Variants in CARF observed in about 807,000 individuals in gnomAD.
CARF encodes calcium-responsive transcription factor.
In CARF, 57 loss-of-function variants were observed where a neutral mutation model predicts 82.0. The ratio of observed to expected loss-of-function variants is 0.70; its 90% confidence interval spans 0.56 to 0.87. CARF has a LOEUF of 0.87. CARF is among the 40% of genes least tolerant of loss of function. The probability of loss-of-function intolerance (pLI) is 0.00; values close to 1 mark genes in which losing one functional copy is unlikely to be tolerated. For missense variants in CARF, 771 were observed against 855.8 expected (o/e 0.90, Z 1.24); for synonymous variants, 268 against 290.1 (o/e 0.92, Z 0.77).
chr2:202,935,123 T>TA (rs1328144690), intron 3 of CARF, among the ~76,000 whole-genome samples: 103 of 143,100 alleles, frequency 7.2e-4, no homozygotes, highest in East Asian at 1.2e-3. Context: ...TATATAATTA[T>TA]TTATAATTAT....
At chr2:202,973,346 C>T (rs2059885431) in intron 12 of CARF, 4 of 353,534 alleles carry the variant, frequency 1.1e-5, no homozygotes, top group Non-Finnish European at 2.2e-5. Flanking sequence ...TACAGTTCTG[C>T]GATTTGGTCC....
At chr2:202,919,690 G>T (rs1474157300) in intron 2 of CARF, among the ~76,000 whole-genome samples, 1 of 152,158 alleles carries the variant, frequency 6.6e-6, no homozygotes, top group Admixed American at 6.5e-5. Context: ...TCCAGAAAAA[G>T]ATTTAAAGCT....
intron 8 of CARF, among the ~76,000 whole-genome samples, chr2:202,959,124 CTGATTA>C (rs1352736285): frequency 1.1e-4 from 17 of 151,490 alleles, no homozygotes; most frequent in Admixed American, 1.1e-3. Flanking sequence ...ATATATAGTT[CTGATTA>C]TATTATACTG....
At chr2:202,960,469 C>T (rs191258463) in intron 8 of CARF, among the ~76,000 whole-genome samples, 61 of 152,098 alleles carry the variant, frequency 4.0e-4, no homozygotes, top group African/African-American at 1.4e-3. Context: ...AGGCTGGTTT[C>T]GAACTCTTGA....
Position 202,942,718 on chromosome 2 carries a change from ATT to A in CARF, c.79-13_79-12del. 3 of 1,406,784 alleles carry A rather than the reference ATT, an allele frequency of 2.1e-6. No individual in the cohort carries two copies. The highest frequency in any genetic ancestry group is 2.7e-5 in the South Asian group (2 of 74,778). The allele number at this position is 1,406,784 out of a possible 1,614,324, so 87.1% of individuals were successfully genotyped here. A position where few individuals can be genotyped will look rare whatever the true frequency, so the allele number is the denominator to read the frequency against. On this transcript the variant is annotated intron_variant, in intron 4 of 16. Transcript: ENST00000438828. Reference sequence around the variant, plus strand: ...AAAAAAATGGTGATAGACTGAAGTGATTTTTTTTTTCCTTACAAAAGCATCTA... The same window carrying A: ...AAAAAAATGGTGATAGACTGAAGTGATTTTTTTTCCTTACAAAAGCATCTA...
At position 202,915,177 on chromosome 2, in the gene CARF, C is replaced by T. The variant is rs1412464450; in HGVS notation, c.-330+2075C>T. Among the ~76,000 whole-genome samples, 6 of 151,392 alleles carry T rather than the reference C, an allele frequency of 4.0e-5. No individual in the cohort carries two copies. The East Asian group carries it at 5.9e-4, about 15-fold the overall frequency. On this transcript the variant is annotated intron_variant, in intron 1 of 16. Coordinates refer to ENST00000438828, the MANE Select transcript of CARF (RefSeq NM_024744.17). ...GACTACAGGTGCCTGCCACCATGCC[C>T]GGCTAATTTTTTGTATTTTAGTAGA... is the stretch of plus-strand genomic sequence containing the variant.
At chr2:202,917,210 C>CAAA (rs71034203) in intron 1 of CARF, among the ~76,000 whole-genome samples, 1,054 of 46,978 alleles carry the variant, frequency 0.022, 339 homozygotes, top group Non-Finnish European at 0.025. Context: ...GACTCCGTCT[C>CAAA]AAAAAAAAAA....
intron 5 of CARF, among the ~76,000 whole-genome samples, chr2:202,945,093 CAG>C (rs1012076728): frequency 1.3e-5 from 2 of 152,118 alleles, no homozygotes; most frequent in Non-Finnish European, 2.9e-5. Flanking sequence ...AACTGAAGAT[CAG>C]AGAGAGAATA....
chr2:202,947,063 T>C (rs1196614745), intron 5 of CARF, among the ~76,000 whole-genome samples: 1 of 152,180 alleles, frequency 6.6e-6, no homozygotes, highest in Non-Finnish European at 1.5e-5. Context: ...TGGAAGACAG[T>C]GTGATGATTC....
chr2:202,935,232 ATATAT>A (rs1435200083), intron 3 of CARF, among the ~76,000 whole-genome samples: 7 of 142,452 alleles, frequency 4.9e-5, no homozygotes, highest in African/African-American at 1.8e-4. Context: ...ATACTAATAT[ATATAT>A]TATATATTTG....
intron 3 of CARF, among the ~76,000 whole-genome samples, chr2:202,929,097 A>G (rs185539113): frequency 6.6e-6 from 1 of 152,306 alleles, no homozygotes; most frequent in East Asian, 1.9e-4. Context: ...TTATTTATTT[A>G]TTAATCCCTC....
At chr2:202,983,383 C>A (rs947978637) in intron 16 of CARF, 123 bp from the exon 17 acceptor site, 1 of 626,544 alleles carries the variant, frequency 1.6e-6, no homozygotes, top group Non-Finnish European at 2.7e-6. Context: ...AAAAGATTTG[C>A]AGTTTGCTTT....
rs914740711 is a variant in CARF, at chr2:202,934,137, A to G, written c.-43-7723A>G. On this transcript the variant is annotated intron_variant, in intron 3 of 16. Coordinates refer to ENST00000438828, the MANE Select transcript of CARF (RefSeq NM_024744.17). ...TGCATTTTAAGTCATCCTGAGTCAC[A>G]CCATGGGCCACAGGTTGGACAAGCT... 4.6e-5 allele frequency among the ~76,000 whole-genome samples: 7 copies of G among 152,138 alleles called. No individual in the cohort carries two copies. The South Asian group carries it at 1.0e-3, about 23-fold the overall frequency.
At chr2:202,974,614 A>G in intron 13 of CARF, 118 bp downstream of exon 13, 1 of 953,732 alleles carries the variant, frequency 1.0e-6, no homozygotes. Flanking sequence ...AGCAAATACA[A>G]TAGGCCGGGC....
At chr2:202,972,846 A>G (rs746167188) in intron 12 of CARF, among the ~76,000 whole-genome samples, 10 of 152,186 alleles carry the variant, frequency 6.6e-5, no homozygotes, top group Admixed American at 3.9e-4. Flanking sequence ...AAAGGCATGA[A>G]TAGGTTCTCG....
At chr2:202,937,961 T>C (rs760040030) in intron 3 of CARF, among the ~76,000 whole-genome samples, 2 of 151,566 alleles carry the variant, frequency 1.3e-5, no homozygotes, top group Non-Finnish European at 1.5e-5. Context: ...TTAATTGTAG[T>C]AGTTGTAGAT....
At chr2:202,931,907 C>A (rs759711854) in intron 3 of CARF, among the ~76,000 whole-genome samples, 8 of 152,136 alleles carry the variant, frequency 5.3e-5, no homozygotes, top group Non-Finnish European at 8.8e-5. Context: ...TCTGTTCTTG[C>A]AGTGACATAA....
At position 202,961,361 on chromosome 2, in the gene CARF, CTGCT is replaced by C. The variant is rs757207993; in HGVS notation, c.768_771del (p.Ala257HisfsTer3). 21 of 1,614,082 alleles carry C rather than the reference CTGCT, an allele frequency of 1.3e-5. No individual in the cohort carries two copies. The highest frequency in any genetic ancestry group is 2.7e-5 in the African/African-American group (2 of 74,922). On this transcript the variant is annotated frameshift_variant, in exon 9 of 17. Coordinates refer to ENST00000438828, the MANE Select transcript of CARF (RefSeq NM_024744.17). LOFTEE classifies it high-confidence loss of function. ...CGTCAGTCTCCAAGCCCAGCCAAGCCTGCTACACGCTTGATGTGGAAATCCCAGT... is the reference window on the plus strand; with the variant it reads ...CGTCAGTCTCCAAGCCCAGCCAAGCCACACGCTTGATGTGGAAATCCCAGT...
rs1426886744 is a variant in CARF at position 202,963,001 on chromosome 2, T to A, written c.832+1575T>A. 4 of 152,352 alleles carry A rather than the reference T, an allele frequency of 2.6e-5. No individual in the cohort carries two copies. In the East Asian group the frequency reaches 7.7e-4, roughly 29 times the overall value. The allele number at this position is 152,352 out of a possible 1,614,324, so 9.4% of individuals were successfully genotyped here. A position where few individuals can be genotyped will look rare whatever the true frequency, so the allele number is the denominator to read the frequency against. The stretch of plus-strand genomic sequence containing the variant: ...ATTGCTGGTTGTGAATTATGCCCAT[T>A]TCATCTTTACAAGATTATCTTAAAA... On this transcript the variant is annotated intron_variant, in intron 9 of 16. Coordinates refer to ENST00000438828, the MANE Select transcript of CARF (RefSeq NM_024744.17).
Sources: gnomAD v4.1 joint callset for allele counts (sites outside exome capture counted in the v4.1 genomes callset) on GRCh38, gnomAD v4.1.1 for gene constraint, MANE v1.5 for transcripts, NCBI Gene and HGNC (gene_info 2026-07-23, HGNC 2026-07-21) for gene names.